RPS6KA2: variants seen among roughly 807,000 people sequenced by gnomAD.
RPS6KA2 encodes ribosomal protein S6 kinase alpha-2.
Under a neutral mutation model 91.8 loss-of-function variants are expected in RPS6KA2, and 42 were observed. That is an observed-to-expected ratio of 0.46 (90% CI 0.36 to 0.59). The LOEUF (loss-of-function observed/expected upper bound fraction) is 0.59, where lower values mean the gene tolerates loss of function less well. RPS6KA2 is among the 20% of genes least tolerant of loss of function. The probability of loss-of-function intolerance (pLI) is 0.00; values close to 1 mark genes in which losing one functional copy is unlikely to be tolerated. For synonymous variants in RPS6KA2, 414 were observed against 393.6 expected (o/e 1.05, Z -0.61); for missense variants, 798 against 978.5 (o/e 0.82, Z 2.46).
chr6:166,558,510 T>A (rs1355204636), intron 1 of RPS6KA2, among the ~76,000 whole-genome samples: 5 of 152,172 alleles, frequency 3.3e-5, no homozygotes, highest in Admixed American at 6.5e-5. Flanking sequence ...TGTGGCCAAG[T>A]TGACACATGA....
rs1239123600 is a variant in RPS6KA2, at chr6:166,821,662, G to C, written c.123+36538C>G. On this transcript the variant is annotated intron_variant, in intron 2 of 21. Coordinates refer to the RPS6KA2 transcript ENST00000503859. The surrounding 1 kb of genome is among the most constrained non-coding windows in gnomAD (Gnocchi z 4.1). ...ATTGCTGTGCCCCAGATTTCCACTC[G>C]GAGCCCTCATCCCTTCATAATCTGT... Among the ~76,000 whole-genome samples, 1 of 151,834 alleles carries C rather than the reference G, an allele frequency of 6.6e-6. No homozygotes were observed. Among genetic ancestry groups the C allele is most frequent in the African/African-American group, 2.4e-5 (1 of 41,286 alleles).
At chr6:166,595,977 A>G (rs1785520320) in intron 1 of RPS6KA2, among the ~76,000 whole-genome samples, 1 of 152,240 alleles carries the variant, frequency 6.6e-6, no homozygotes, top group Non-Finnish European at 1.5e-5. Context: ...AAAGCTTAAA[A>G]TAAGATACAC....
intron 3 of RPS6KA2, 139 bp downstream of exon 3, chr6:166,531,093 T>C: frequency 1.5e-6 from 1 of 689,052 alleles, no homozygotes; most frequent in South Asian, 1.7e-5. Flanking sequence ...CTGTTTATTA[T>C]CAATCAGAGA....
At chr6:166,486,092 C>T (rs919861381) in intron 10 of RPS6KA2, among the ~76,000 whole-genome samples, 45 of 152,298 alleles carry the variant, frequency 3.0e-4, no homozygotes, top group African/African-American at 9.9e-4. Context: ...CCCTGGCTAA[C>T]GACGACCGTC....
At chr6:166,641,298 T>C (rs1787424490) in intron 2 of RPS6KA2, among the ~76,000 whole-genome samples, 1 of 152,164 alleles carries the variant, frequency 6.6e-6, no homozygotes, top group Non-Finnish European at 1.5e-5. Flanking sequence ...AAAATATGTG[T>C]CTTCAATACA....
intron 12 of RPS6KA2, among the ~76,000 whole-genome samples, chr6:166,456,294 A>G (rs1780103478): frequency 1.3e-5 from 2 of 152,250 alleles, no homozygotes; most frequent in African/African-American, 2.4e-5. Flanking sequence ...TAGTAAGGAA[A>G]TGACAGGTGG....
intron 2 of RPS6KA2, among the ~76,000 whole-genome samples, chr6:166,674,479 C>G (rs1475572599): frequency 6.6e-6 from 1 of 152,080 alleles, no homozygotes; most frequent in African/African-American, 2.4e-5. Flanking sequence ...GACACGCAAC[C>G]CAGCAGGCAC....
rs556802013 is a variant in RPS6KA2 at position 166,525,359 on chromosome 6, C to T, written c.298+5873G>A. On this transcript the variant is annotated intron_variant, in intron 3 of 20. Transcript: ENST00000265678. The stretch of plus-strand genomic sequence containing the variant: ...TTTAAGGCATCCTTAAGTACTGGGG[C>T]GACAGGCAGCACCGCCGGGTCAGAG... Among the ~76,000 whole-genome samples the T allele has an allele frequency of 7.9e-5, 12 of 152,200 alleles. No homozygotes were observed. In the South Asian group the frequency reaches 1.7e-3, roughly 21 times the overall value.
chr6:166,526,861 T>C (rs1291083049), intron 3 of RPS6KA2, among the ~76,000 whole-genome samples: 1 of 152,238 alleles, frequency 6.6e-6, no homozygotes, highest in Admixed American at 6.5e-5. Context: ...TGGCACAATG[T>C]CCATCTCATG....
chr6:166,600,735 T>C (rs142030729), intron 1 of RPS6KA2, among the ~76,000 whole-genome samples: 8 of 152,348 alleles, frequency 5.3e-5, no homozygotes, highest in African/African-American at 1.7e-4. Context: ...TGTAGCGTAT[T>C]TGAAGTAAAA....
chr6:166,669,202 G>A (rs368099701), intron 2 of RPS6KA2, among the ~76,000 whole-genome samples: 72 of 152,216 alleles, frequency 4.7e-4, no homozygotes, highest in African/African-American at 1.7e-3. Context: ...CCAGCATTAG[G>A]AGGTCTTAAT....
chr6:166,660,980 T>C (rs897236239), intron 2 of RPS6KA2, among the ~76,000 whole-genome samples: 1 of 152,238 alleles, frequency 6.6e-6, no homozygotes, highest in East Asian at 1.9e-4. Context: ...ATGAGACATA[T>C]GTCAACTTGC....
intron 2 of RPS6KA2, among the ~76,000 whole-genome samples, chr6:166,746,275 G>A (rs1277408904): frequency 6.6e-6 from 1 of 152,180 alleles, no homozygotes; most frequent in African/African-American, 2.4e-5. Context: ...TCATGTGACT[G>A]GATCCAAACT....
At chr6:166,542,071 C>T (rs530416192) in intron 1 of RPS6KA2, among the ~76,000 whole-genome samples, 5 of 152,286 alleles carry the variant, frequency 3.3e-5, no homozygotes, top group African/African-American at 9.6e-5. Flanking sequence ...TTTTCACTTT[C>T]CCCAAAACGA....
chr6:166,660,393 CGTGCGTGTGT>C (rs892135481), intron 2 of RPS6KA2, among the ~76,000 whole-genome samples: 4 of 144,686 alleles, frequency 2.8e-5, no homozygotes, highest in East Asian at 2.0e-4. Flanking sequence ...TATGGGCATG[CGTGCGTGTGT>C]GTGTGTGTGT....
intron 1 of RPS6KA2, among the ~76,000 whole-genome samples, chr6:166,585,095 TGG>T (rs1785127135): frequency 6.6e-6 from 1 of 152,194 alleles, no homozygotes; most frequent in African/African-American, 2.4e-5. Context: ...TACAACGATG[TGG>T]GGTGCAGGAA....
At chr6:166,757,403 C>A (rs927787359) in intron 2 of RPS6KA2, 3 of 417,164 alleles carry the variant, frequency 7.2e-6, no homozygotes, top group African/African-American at 6.1e-5. Context: ...CTGTGAGATT[C>A]CACTCCGCCC....
At chr6:166,714,819 T>C (rs1350041138) in intron 2 of RPS6KA2, among the ~76,000 whole-genome samples, 2 of 152,212 alleles carry the variant, frequency 1.3e-5, no homozygotes, top group Non-Finnish European at 2.9e-5. Flanking sequence ...TGTGGAACTT[T>C]GTTTACCACA....
intron 1 of RPS6KA2, among the ~76,000 whole-genome samples, chr6:166,594,652 C>T (rs1436444746): frequency 3.3e-5 from 5 of 152,144 alleles, no homozygotes; most frequent in South Asian, 2.1e-4. Context: ...TTAGTAGAGA[C>T]GGAGCTTCAC....
Sources: gnomAD v4.1 joint callset for allele counts (sites outside exome capture counted in the v4.1 genomes callset) on GRCh38, gnomAD v4.1.1 for gene constraint, Gnocchi (gnomAD v3.1) non-coding constraint, MANE v1.5 for transcripts, NCBI Gene and HGNC (gene_info 2026-07-23, HGNC 2026-07-21) for gene names.